The following SPATA24 variants were observed in gnomAD, a reference collection of about 807,000 sequenced individuals.
SPATA24 encodes the protein spermatogenesis-associated protein 24.
SPATA24 carries 21 observed loss-of-function variants against 28.9 expected under a neutral mutation model. The observed-to-expected ratio is 0.73, with a 90% CI of 0.52 to 1.05. The LOEUF (loss-of-function observed/expected upper bound fraction) is 1.05. SPATA24 is among the 50% of genes least tolerant of loss of function. The pLI, the probability that SPATA24 is intolerant of heterozygous loss-of-function variation, is 0.00. For missense variants in SPATA24, 215 were observed against 242.9 expected (o/e 0.88, Z 0.76); for synonymous variants, 76 against 89.9 (o/e 0.85, Z 0.88).
chr5:139,396,612 A>C, downstream of SPATA24: 6 of 1,439,434 alleles, frequency 4.2e-6, no homozygotes, highest in Non-Finnish European at 4.6e-6. Context: ...AAATACCCAA[A>C]GGAAGCGGTG....
chr5:139,402,397 G>GTA (rs142159727), intron 2 of SPATA24, among the ~76,000 whole-genome samples: 2,929 of 150,340 alleles, frequency 0.019, 107 homozygotes, highest in African/African-American at 0.068. Flanking sequence ...ATATATATAT[G>GTA]TATATATATA....
downstream of SPATA24, chr5:139,393,016 G>T (rs946487506): frequency 5.3e-6 from 8 of 1,522,560 alleles, no homozygotes; most frequent in African/African-American, 1.1e-4. Flanking sequence ...CGGCACCACC[G>T]GTAGAAAATC....
rs1758834907 is a variant in SPATA24 at position 139,402,004 on chromosome 5, G to C, written c.225C>G (p.Ala75=). The stretch of plus-strand genomic sequence containing the variant: ...CAAACTGTAACTTCTCCTCTTCCTT[G>C]GCCAGGAGGACCTTGGTTTTGGCAT... ...AAHAKTKVLL[A]KEEEKLQFAL... Residue 75 remains alanine (A), a synonymous_variant, in exon 3 of 6, where the codon GCC becomes GCG. Transcript: ENST00000450845. The C allele has an allele frequency of 6.4e-7, 1 of 1,551,292 alleles. No individual in the cohort carries two copies. The highest frequency in any genetic ancestry group is 1.4e-5 in the African/African-American group (1 of 72,930).
chr5:139,395,301 C>T, downstream of SPATA24: 1 of 418,392 alleles, frequency 2.4e-6, no homozygotes, highest in Non-Finnish European at 4.1e-6. Context: ...AGGCACAAGC[C>T]GGAGTACCTG....
At chr5:139,396,499 G>T, downstream of SPATA24, 1 of 1,211,428 alleles carries the variant, frequency 8.3e-7, no homozygotes, top group Non-Finnish European at 1.0e-6. Flanking sequence ...TCTGGTCAGG[G>T]CTTCCGGCCC....
intron 1 of SPATA24, 87 bp downstream of exon 1, chr5:139,403,857 G>C (rs915414210): frequency 8.5e-7 from 1 of 1,169,854 alleles, no homozygotes; most frequent in East Asian, 2.6e-5. Flanking sequence ...TTCTAGCCAC[G>C]GCCCCCGCAT....
In SPATA24 at chr5:139,401,845, T is replaced by C; in HGVS notation, c.315-20A>G. ...GAGAGCCTGGGTGGGGAAGATAAGA[T>C]GGGAGGGTGGGCAGGCTAGCAAGCA... On this transcript the variant is annotated intron_variant, in intron 3 of 5. Transcript: ENST00000450845. 1 of 1,547,602 alleles carries C rather than the reference T, an allele frequency of 6.5e-7. No individual in the cohort carries two copies. The highest frequency in any genetic ancestry group is 8.7e-7 in the Non-Finnish European group (1 of 1,144,102).
At position 139,402,058 on chromosome 5, in the gene SPATA24, C is replaced by T; in HGVS notation, c.184-13G>A. 1 of 1,550,136 alleles carries T rather than the reference C, an allele frequency of 6.5e-7. No homozygotes were observed. Among genetic ancestry groups the T allele is most frequent in the Non-Finnish European group, 8.7e-7 (1 of 1,146,662 alleles). ...CAGCTTTCTCTTCCTGCAGGGGCAG[C>T]AGCAGTCACCTCATTACCCTAGGCC... On this transcript the variant is annotated splice_polypyrimidine_tract_variant and intron_variant, in intron 2 of 5. Coordinates refer to ENST00000450845, the MANE Select transcript of SPATA24 (RefSeq NM_194296.2).
At chr5:139,394,638 TG>T, downstream of SPATA24, 2 of 1,534,666 alleles carry the variant, frequency 1.3e-6, no homozygotes, top group Non-Finnish European at 1.7e-6. Flanking sequence ...CGGGAGACGC[TG>T]GCCCCGGCGG....
chr5:139,392,814 A>T, downstream of SPATA24: 1 of 1,515,074 alleles, frequency 6.6e-7, no homozygotes, highest in Non-Finnish European at 8.9e-7. The surrounding 1 kb of genome is among the most constrained non-coding windows in gnomAD (Gnocchi z 5.8). Flanking sequence ...TCTCTCCTCC[A>T]GGGCCGCGCG....
At chr5:139,392,921 C>T (rs1476790428), downstream of SPATA24, 7 of 1,530,540 alleles carry the variant, frequency 4.6e-6, no homozygotes, top group East Asian at 1.2e-4. The surrounding 1 kb of genome is among the most constrained non-coding windows in gnomAD (Gnocchi z 5.8). Context: ...GTGCTGTTCT[C>T]TGCCCTCCGC....
chr5:139,403,734 GA>G (rs1758871127), intron 1 of SPATA24, among the ~76,000 whole-genome samples: 1 of 152,224 alleles, frequency 6.6e-6, no homozygotes, highest in Admixed American at 6.5e-5. Flanking sequence ...ACGGAAGGGA[GA>G]ATATGGCTTG....
chr5:139,395,291 A>C, downstream of SPATA24: 1 of 430,918 alleles, frequency 2.3e-6, no homozygotes, highest in Non-Finnish European at 3.9e-6. Context: ...CCCCCTTCTC[A>C]GGCACAAGCC....
At chr5:139,402,799 G>A (rs1475333061) in intron 1 of SPATA24, 106 bp from the exon 2 acceptor site, 1 of 810,132 alleles carries the variant, frequency 1.2e-6, no homozygotes, top group East Asian at 2.7e-5. Context: ...GTGGTACCTA[G>A]GATGAGACTG....
At chr5:139,392,556 C>T, downstream of SPATA24, 1 of 1,347,734 alleles carries the variant, frequency 7.4e-7, no homozygotes, top group Non-Finnish European at 9.5e-7. The surrounding 1 kb of genome is among the most constrained non-coding windows in gnomAD (Gnocchi z 5.8). Context: ...TCCTGCCCGC[C>T]AACGCCAGGG....
chr5:139,396,680 T>G, downstream of SPATA24: 2 of 1,539,232 alleles, frequency 1.3e-6, no homozygotes, highest in Non-Finnish European at 1.8e-6. Context: ...CCCCACCTTG[T>G]GGACCCCTAC....
At chr5:139,393,011 C>A (rs988336858), downstream of SPATA24, 6 of 1,521,256 alleles carry the variant, frequency 3.9e-6, no homozygotes, top group African/African-American at 5.6e-5. Context: ...GGGTGCGGCA[C>A]CACCGGTAGA....
chr5:139,401,681 T>A, intron 4 of SPATA24, 74 bp downstream of exon 4: 1 of 1,469,320 alleles, frequency 6.8e-7, no homozygotes, highest in Non-Finnish European at 9.3e-7. Context: ...ACCCTGCCTT[T>A]GACACAGGCA....
downstream of SPATA24, chr5:139,392,633 TGGGTGCTATCCCA>T: frequency 7.2e-7 from 1 of 1,385,644 alleles, no homozygotes; most frequent in Non-Finnish European, 9.3e-7. The surrounding 1 kb of genome is among the most constrained non-coding windows in gnomAD (Gnocchi z 5.8). Flanking sequence ...GTCTTCGGTT[TGGGTGCTATCCCA>T]GGGCTCGGGC....
Sources: allele counts gnomAD v4.1 joint callset (sites outside exome capture counted in the v4.1 genomes callset), GRCh38; gene constraint gnomAD v4.1.1; non-coding constraint Gnocchi (gnomAD v3.1); transcripts MANE v1.5; gene names NCBI Gene and HGNC (gene_info 2026-07-23, HGNC 2026-07-21).